ADAM12: variants seen among roughly 807,000 people sequenced by gnomAD.
The protein encoded by ADAM12 is disintegrin and metalloproteinase domain-containing protein 12.
ADAM12 carries 70 observed loss-of-function variants against 106.4 expected under a neutral mutation model. That is an observed-to-expected ratio of 0.66 (90% CI 0.54 to 0.80). The LOEUF (loss-of-function observed/expected upper bound fraction) is 0.80, where lower values mean the gene tolerates loss of function less well. Ranked by LOEUF, ADAM12 falls within the 30% of genes least tolerant of loss-of-function variation. The probability of loss-of-function intolerance (pLI) is 0.00; values close to 1 mark genes in which losing one functional copy is unlikely to be tolerated. For missense variants in ADAM12, 1,010 were observed against 1,171.9 expected, an observed-to-expected ratio of 0.86 and a Z score of 2.02; for synonymous variants, 420 against 433.5, an observed-to-expected ratio of 0.97 and a Z score of 0.39.
At chr10:126,206,765 A>C (rs1372713298) in intron 3 of ADAM12, among the ~76,000 whole-genome samples, 4 of 147,730 alleles carry the variant, frequency 2.7e-5, no homozygotes, top group Non-Finnish European at 5.9e-5. Flanking sequence ...AGTTCTCTGC[A>C]GGCAGGGAGG....
intron 2 of ADAM12, among the ~76,000 whole-genome samples, chr10:126,295,107 T>C (rs556505718): frequency 5.4e-4 from 82 of 152,128 alleles, no homozygotes; most frequent in Non-Finnish European, 1.0e-3. Context: ...GTTAAACCCA[T>C]CAGAGCTTCA....
intron 11 of ADAM12, among the ~76,000 whole-genome samples, chr10:126,091,690 G>A (rs534020557): frequency 3.3e-4 from 50 of 152,256 alleles, no homozygotes; most frequent in African/African-American, 1.0e-3. Context: ...TCTCTGGGGC[G>A]ATCTGGCTTG....
At chr10:126,046,619 A>G (rs1422848724) in intron 16 of ADAM12, among the ~76,000 whole-genome samples, 1 of 151,688 alleles carries the variant, frequency 6.6e-6, no homozygotes, top group African/African-American at 2.4e-5. Context: ...CCTGGAAAAC[A>G]TGGTGAAACC....
At chr10:126,322,105 G>A (rs145999181) in intron 2 of ADAM12, among the ~76,000 whole-genome samples, 1 of 152,274 alleles carries the variant, frequency 6.6e-6, no homozygotes, top group Non-Finnish European at 1.5e-5. Flanking sequence ...TGTTTAAAAA[G>A]ATTTTTCATG....
At chr10:126,317,372 A>G (rs1246597380) in intron 2 of ADAM12, among the ~76,000 whole-genome samples, 1 of 152,210 alleles carries the variant, frequency 6.6e-6, no homozygotes. Flanking sequence ...TTTAAACAAT[A>G]TGCTTGGAAA....
At chr10:126,111,916 C>T (rs1955876889) in intron 6 of ADAM12, among the ~76,000 whole-genome samples, 1 of 150,788 alleles carries the variant, frequency 6.6e-6, no homozygotes, top group African/African-American at 2.5e-5. Flanking sequence ...AAAAAAACAA[C>T]AACAAAGAAT....
chr10:126,128,681 G>A (rs1322416323), intron 5 of ADAM12, among the ~76,000 whole-genome samples: 2 of 148,918 alleles, frequency 1.3e-5, no homozygotes, highest in African/African-American at 2.6e-5. Context: ...CTGTGCGAGT[G>A]TGTGGTGTGT....
chr10:126,259,476 T>C (rs1958957290), intron 3 of ADAM12, among the ~76,000 whole-genome samples: 2 of 152,222 alleles, frequency 1.3e-5, no homozygotes, highest in Non-Finnish European at 2.9e-5. Flanking sequence ...ACATGCTTTC[T>C]TACTAACAAA....
At chr10:126,106,764 G>A (rs1390522924) in intron 8 of ADAM12, among the ~76,000 whole-genome samples, 4 of 152,052 alleles carry the variant, frequency 2.6e-5, no homozygotes, top group Non-Finnish European at 4.4e-5. Flanking sequence ...GATTACAGGC[G>A]TAAGCCACCG....
chr10:126,373,990 G>C lies in ADAM12; in HGVS notation c.88+14068C>G, dbSNP rs566282311. 3.3e-5 allele frequency among the ~76,000 whole-genome samples: 5 copies of C among 152,328 alleles called. No individual in the cohort carries two copies. The South Asian group carries it at 1.0e-3, about 32-fold the overall frequency. On this transcript the variant is annotated intron_variant, in intron 1 of 22. Transcript: ENST00000448723. ...GAATAAAACCAAGCCCAGACAGGCT[G>C]CCCTTCCCAAGTCACCAGGGCTAGA...
At chr10:126,266,887 C>G (rs928306835) in intron 3 of ADAM12, among the ~76,000 whole-genome samples, 1 of 152,154 alleles carries the variant, frequency 6.6e-6, no homozygotes, top group Non-Finnish European at 1.5e-5. Context: ...CGCTAAACCA[C>G]GCAGAAGAAA....
At chr10:126,274,444 C>G (rs913638347) in intron 3 of ADAM12, among the ~76,000 whole-genome samples, 9 of 152,200 alleles carry the variant, frequency 5.9e-5, no homozygotes, top group Non-Finnish European at 5.9e-5. Flanking sequence ...GAACTACTAA[C>G]AAATTTCCTT....
intron 7 of ADAM12, 112 bp from the exon 8 acceptor site, chr10:126,108,776 T>G: frequency 3.3e-6 from 3 of 918,348 alleles, no homozygotes; most frequent in South Asian, 1.5e-5. Context: ...CTGGGGACCC[T>G]CCACAGTTCA....
At chr10:126,202,343 C>T (rs1333802404) in intron 3 of ADAM12, among the ~76,000 whole-genome samples, 2 of 152,306 alleles carry the variant, frequency 1.3e-5, no homozygotes, top group Middle Eastern at 3.4e-3. Flanking sequence ...CCACTTTTAC[C>T]TTTTTCAGCC....
intron 3 of ADAM12, among the ~76,000 whole-genome samples, chr10:126,212,002 G>A (rs934293480): frequency 6.6e-6 from 1 of 152,222 alleles, no homozygotes; most frequent in African/African-American, 2.4e-5. Flanking sequence ...TGTGGGTGAT[G>A]GGGAGGGAAT....
At chr10:126,376,699 C>T (rs1856306350) in intron 1 of ADAM12, among the ~76,000 whole-genome samples, 1 of 152,074 alleles carries the variant, frequency 6.6e-6, no homozygotes, top group African/African-American at 2.4e-5. Context: ...GTCAATTCTC[C>T]CCTAAATTAG....
At chr10:126,088,286 T>C (rs764941094) in intron 11 of ADAM12, among the ~76,000 whole-genome samples, 1 of 152,104 alleles carries the variant, frequency 6.6e-6, no homozygotes, top group Non-Finnish European at 1.5e-5. Flanking sequence ...CAGTAAATAC[T>C]AGTGGAGTAA....
At chr10:126,071,442 T>A in intron 12 of ADAM12, 35 bp downstream of exon 12, 1 of 1,603,894 alleles carries the variant, frequency 6.2e-7, no homozygotes, top group Non-Finnish European at 8.5e-7. Context: ...AGGATACAAG[T>A]CTTCTTGTAT....
intron 2 of ADAM12, among the ~76,000 whole-genome samples, chr10:126,288,478 C>T (rs893243466): frequency 6.6e-6 from 1 of 152,314 alleles, no homozygotes; most frequent in African/African-American, 2.4e-5. Context: ...GCAAGAGCAG[C>T]AGCAGCAGCA....
Sources: allele counts gnomAD v4.1 joint callset (sites outside exome capture counted in the v4.1 genomes callset), GRCh38; gene constraint gnomAD v4.1.1; transcripts MANE v1.5; gene names NCBI Gene and HGNC (gene_info 2026-07-23, HGNC 2026-07-21).